PDSS2: variants seen among roughly 807,000 people sequenced by gnomAD.
PDSS2 encodes all trans-polyprenyl-diphosphate synthase PDSS2.
A neutral mutation model predicts 44.5 loss-of-function variants in PDSS2; 31 were observed. That is an observed-to-expected ratio of 0.70 (90% CI 0.52 to 0.94). The LOEUF is 0.94. PDSS2 is among the 40% of genes least tolerant of loss of function. PDSS2 has a pLI of 0.00. For missense variants in PDSS2, 452 were observed against 482.2 expected (o/e 0.94, Z 0.59); for synonymous variants, 157 against 180.3 (o/e 0.87, Z 1.03).
intron 1 of PDSS2, among the ~76,000 whole-genome samples, chr6:107,393,930 T>C (rs1779860327): frequency 6.6e-6 from 1 of 152,216 alleles, no homozygotes. Flanking sequence ...CATATTTTTC[T>C]ATCTCTTTGG....
At chr6:107,268,012 G>A (rs936127017) in intron 3 of PDSS2, among the ~76,000 whole-genome samples, 1 of 152,096 alleles carries the variant, frequency 6.6e-6, no homozygotes, top group Non-Finnish European at 1.5e-5. Flanking sequence ...AAATTCCGCA[G>A]GTCTACCTCA....
chr6:107,304,901 CCA>C (rs1457141077), intron 2 of PDSS2, among the ~76,000 whole-genome samples: 1 of 151,714 alleles, frequency 6.6e-6, no homozygotes, highest in East Asian at 1.9e-4. Context: ...TTGGCACAGA[CCA>C]CAGAGTCCTC....
At chr6:107,225,161 A>ATTTT (rs71012786) in intron 4 of PDSS2, among the ~76,000 whole-genome samples, 4 of 50,394 alleles carry the variant, frequency 7.9e-5, no homozygotes, top group Non-Finnish European at 1.3e-4. Flanking sequence ...ATATATATAT[A>ATTTT]TTTTTTTTTT....
At chr6:107,382,558 C>G (rs1779484906) in intron 1 of PDSS2, among the ~76,000 whole-genome samples, 1 of 152,170 alleles carries the variant, frequency 6.6e-6, no homozygotes, top group African/African-American at 2.4e-5. Flanking sequence ...TATATTTGGT[C>G]AGGTGCAATG....
At chr6:107,452,836 T>G (rs1300374826) in intron 1 of PDSS2, among the ~76,000 whole-genome samples, 2 of 151,828 alleles carry the variant, frequency 1.3e-5, no homozygotes, top group Non-Finnish European at 2.9e-5. Context: ...CCAGCTAATT[T>G]TTGTATTTCT....
At chr6:107,372,514 C>G (rs1022443831) in intron 1 of PDSS2, among the ~76,000 whole-genome samples, 2 of 152,150 alleles carry the variant, frequency 1.3e-5, no homozygotes. Context: ...GGCAGTTGCG[C>G]GATCTCGACT....
intron 1 of PDSS2, among the ~76,000 whole-genome samples, chr6:107,435,699 T>C (rs1781328576): frequency 6.6e-6 from 1 of 152,180 alleles, no homozygotes; most frequent in South Asian, 2.1e-4. Context: ...CTGTAATTAT[T>C]AAACACTGTC....
chr6:107,319,650 A>C (rs1045392087), intron 2 of PDSS2, among the ~76,000 whole-genome samples: 5 of 152,224 alleles, frequency 3.3e-5, no homozygotes, highest in African/African-American at 9.6e-5. Context: ...ATTGTTTTTG[A>C]GGAAGATCAA....
chr6:107,269,497 C>T (rs1450841247), intron 3 of PDSS2, among the ~76,000 whole-genome samples: 1 of 151,924 alleles, frequency 6.6e-6, no homozygotes, highest in Non-Finnish European at 1.5e-5. Context: ...CTGTTTATAT[C>T]ATTCCTTCTT....
At chr6:107,172,044 G>A (rs1056466537) in intron 7 of PDSS2, among the ~76,000 whole-genome samples, 1 of 152,090 alleles carries the variant, frequency 6.6e-6, no homozygotes, top group Admixed American at 6.5e-5. Flanking sequence ...CTCTAATTAA[G>A]TCAACTAAAT....
At chr6:107,377,141 A>T (rs143438252) in intron 1 of PDSS2, among the ~76,000 whole-genome samples, 133,306 of 138,534 alleles carry the variant, frequency 0.96, 64,504 homozygotes, top group East Asian at 1. Context: ...CCTACTCATC[A>T]GACAAAGGGC....
chr6:107,207,267 C>T (rs982732750), intron 6 of PDSS2, among the ~76,000 whole-genome samples: 3 of 152,144 alleles, frequency 2.0e-5, no homozygotes, highest in African/African-American at 7.2e-5. Context: ...GCTGGGATTA[C>T]AGGCATGAGC....
intron 7 of PDSS2, among the ~76,000 whole-genome samples, chr6:107,181,083 A>G (rs1237832521): frequency 6.6e-6 from 1 of 152,134 alleles, no homozygotes; most frequent in South Asian, 2.1e-4. Context: ...GACCTCAGGT[A>G]ATCCACCCAC....
At chr6:107,327,284 T>G (rs771110049) in intron 2 of PDSS2, among the ~76,000 whole-genome samples, 4 of 152,202 alleles carry the variant, frequency 2.6e-5, no homozygotes, top group Non-Finnish European at 2.9e-5. Flanking sequence ...CTCTACCCAC[T>G]GCTGCTTAGA....
intron 4 of PDSS2, among the ~76,000 whole-genome samples, chr6:107,233,621 G>T (rs920573221): frequency 6.6e-5 from 10 of 151,962 alleles, no homozygotes; most frequent in African/African-American, 9.7e-5. Flanking sequence ...AGACCAGCCC[G>T]GGCAACGAAG....
intron 1 of PDSS2, among the ~76,000 whole-genome samples, chr6:107,338,632 C>G (rs1192969001): frequency 6.6e-6 from 1 of 152,226 alleles, no homozygotes; most frequent in Admixed American, 6.5e-5. Context: ...AAAGAGACTT[C>G]CGTGAGATCT....
At chr6:107,419,337 T>G (rs1330324535) in intron 1 of PDSS2, among the ~76,000 whole-genome samples, 1 of 152,216 alleles carries the variant, frequency 6.6e-6, no homozygotes, top group Non-Finnish European at 1.5e-5. Flanking sequence ...TAACTGACTT[T>G]GTCAAAGGAA....
At chr6:107,226,515 C>T (rs949574875) in intron 4 of PDSS2, among the ~76,000 whole-genome samples, 9 of 151,958 alleles carry the variant, frequency 5.9e-5, no homozygotes, top group African/African-American at 2.2e-4. Flanking sequence ...TTCCAAGCTG[C>T]AAGGATGGCC....
chr6:107,364,733 A>G (rs976762370), intron 1 of PDSS2, among the ~76,000 whole-genome samples: 1 of 152,222 alleles, frequency 6.6e-6, no homozygotes, highest in Non-Finnish European at 1.5e-5. Flanking sequence ...AAATGCCACC[A>G]AAGTGGGAGC....
Sources: gnomAD v4.1 joint callset for allele counts (sites outside exome capture counted in the v4.1 genomes callset) on GRCh38, gnomAD v4.1.1 for gene constraint, MANE v1.5 for transcripts, NCBI Gene and HGNC (gene_info 2026-07-23, HGNC 2026-07-21) for gene names.